The following PIP5K1C variants were observed in gnomAD, a reference collection of about 807,000 sequenced individuals.
PIP5K1C encodes phosphatidylinositol 4-phosphate 5-kinase type-1 gamma.
A neutral mutation model predicts 80.1 loss-of-function variants in PIP5K1C; 45 were observed. The ratio of observed to expected loss-of-function variants is 0.56; its 90% CI spans 0.44 to 0.72. The LOEUF (loss-of-function observed/expected upper bound fraction) is 0.72, where lower values mean the gene tolerates loss of function less well. Ranked by LOEUF, PIP5K1C falls within the 30% of genes least tolerant of loss-of-function variation. The probability of loss-of-function intolerance (pLI) is 0.00; values close to 1 mark genes in which losing one functional copy is unlikely to be tolerated. For synonymous variants in PIP5K1C, 498 were observed against 420.1 expected, an observed-to-expected ratio of 1.19 and a Z score of -2.27; for missense variants, 753 against 954.6, an observed-to-expected ratio of 0.79 and a Z score of 2.78.
Position 3,648,692 on chromosome 19 carries a change from C to T in PIP5K1C, c.1144G>A (p.Ala382Thr), listed in dbSNP as rs549345573. ...ESDDTMGGIP[A>T]VNGRGERLLL... is the part of the protein sequence containing the mutation. ...AGCCGCTCCCCGCGGCCGTTCACAG[C>T]GGGGATCCCGCCCATCCTGGGGAGA... is the stretch of plus-strand genomic sequence containing the variant. Residue 382 changes from alanine (A) to threonine (T), a missense_variant, in exon 9 of 18, where the codon GCT (alanine) becomes ACT (threonine). By Grantham distance (58) the Ala-to-Thr change is moderately conservative. Coordinates refer to ENST00000335312, the MANE Select transcript of PIP5K1C (RefSeq NM_012398.3). The surrounding 1 kb of genome is among the most constrained non-coding windows in gnomAD (Gnocchi z 4.3). 4.3e-6 allele frequency: 7 copies of T among 1,612,966 alleles called. No homozygotes were observed. The highest frequency in any genetic ancestry group is 5.1e-6 in the Non-Finnish European group (6 of 1,179,848).
At chr19:3,650,506 C>T (rs1317034729) in intron 8 of PIP5K1C, among the ~76,000 whole-genome samples, 4 of 152,238 alleles carry the variant, frequency 2.6e-5, no homozygotes, top group Admixed American at 6.5e-5. Flanking sequence ...GCTCCTGGCC[C>T]GGAGTGGGTG....
intron 1 of PIP5K1C, among the ~76,000 whole-genome samples, chr19:3,697,226 GGGGAGGACCGAGCTGGACCC>G (rs1221499668): frequency 2.7e-5 from 4 of 150,876 alleles, no homozygotes; most frequent in Non-Finnish European, 5.9e-5. Context: ...AAGCTGGACC[GGGGAGGACCGAGCTGGACCC>G]GGGAGGACCG....
chr19:3,669,251 G>T (rs530928090), intron 1 of PIP5K1C, among the ~76,000 whole-genome samples: 6 of 152,306 alleles, frequency 3.9e-5, no homozygotes, highest in African/African-American at 7.2e-5. Flanking sequence ...GGTGCGGCAG[G>T]TGCCCTGCTC....
intron 1 of PIP5K1C, among the ~76,000 whole-genome samples, chr19:3,670,377 G>A (rs1262504315): frequency 6.6e-6 from 1 of 152,014 alleles, no homozygotes; most frequent in East Asian, 1.9e-4. Flanking sequence ...AAGAGAAGCC[G>A]CTCAGGGAGG....
Position 3,700,340 on chromosome 19 carries a change from C to A in PIP5K1C, c.51G>T (p.Val17=). The A allele has an allele frequency of 1.5e-6, 2 of 1,295,492 alleles. No individual in the cohort carries two copies. The highest frequency in any genetic ancestry group is 2.0e-6 in the Non-Finnish European group (2 of 1,005,064). 80.2% of individuals were successfully genotyped at this position (1,295,492 alleles called of 1,614,324 possible). A position where few individuals can be genotyped will look rare whatever the true frequency, so the allele number is the denominator to read the frequency against. Reference sequence around the variant, plus strand: ...CTGCCGCCCACGCCGCCTCCGAGGGCACGGCCCCCGCCTCAGCGCTCTCCG... The same window carrying A: ...CTGCCGCCCACGCCGCCTCCGAGGGAACGGCCCCCGCCTCAGCGCTCTCCG... The part of the protein sequence containing the change: ...DEAESAEAGA[V]PSEAAWAAES... The change falls in exon 1 of 18, where the codon GTG becomes GTT. Residue 17 remains valine (V), a synonymous_variant. Coordinates refer to ENST00000335312, the MANE Select transcript of PIP5K1C (RefSeq NM_012398.3).
At chr19:3,653,066 G>C (rs954358127) in intron 7 of PIP5K1C, among the ~76,000 whole-genome samples, 1 of 152,242 alleles carries the variant, frequency 6.6e-6, no homozygotes, top group African/African-American at 2.4e-5. Flanking sequence ...GCCTCCCAAA[G>C]AGCTGGGATC....
chr19:3,646,342 C>G (rs905362614), intron 10 of PIP5K1C, among the ~76,000 whole-genome samples: 2 of 152,180 alleles, frequency 1.3e-5, no homozygotes, highest in African/African-American at 4.8e-5. Context: ...GTATTCCGGC[C>G]AGGCACAGTG....
At chr19:3,646,621 C>T (rs1280396533) in intron 10 of PIP5K1C, among the ~76,000 whole-genome samples, 1 of 152,216 alleles carries the variant, frequency 6.6e-6, no homozygotes, top group Non-Finnish European at 1.5e-5. Context: ...GCCGAGACAG[C>T]GCTCCTATCT....
intron 1 of PIP5K1C, among the ~76,000 whole-genome samples, chr19:3,675,598 G>C (rs994045165): frequency 1.3e-5 from 2 of 152,216 alleles, no homozygotes; most frequent in Non-Finnish European, 2.9e-5. Flanking sequence ...TATGGACCGG[G>C]ATGGACAGTC....
At chr19:3,682,591 C>T (rs972002805) in intron 1 of PIP5K1C, among the ~76,000 whole-genome samples, 10 of 151,756 alleles carry the variant, frequency 6.6e-5, no homozygotes, top group Non-Finnish European at 1.0e-4. Flanking sequence ...CGGGAGGCTG[C>T]GGTGGGAAGA....
intron 2 of PIP5K1C, among the ~76,000 whole-genome samples, chr19:3,666,411 T>G (rs577184579): frequency 1.3e-5 from 2 of 152,234 alleles, no homozygotes; most frequent in South Asian, 4.1e-4. Context: ...CAGAGAAAGC[T>G]CTCGGGAGGA....
intron 6 of PIP5K1C, among the ~76,000 whole-genome samples, chr19:3,654,255 T>C (rs1008077267): frequency 2.6e-5 from 4 of 152,246 alleles, no homozygotes; most frequent in Admixed American, 2.6e-4. Context: ...TGGGTCCTGC[T>C]GTACCCTGTA....
At position 3,651,812 on chromosome 19, in the gene PIP5K1C, C is replaced by T; in HGVS notation, c.1127+14G>A. The T allele has an allele frequency of 6.2e-7, 1 of 1,608,254 alleles. No individual in the cohort carries two copies. Among genetic ancestry groups the T allele is most frequent in the Non-Finnish European group, 8.5e-7 (1 of 1,177,530 alleles). ...GGGAAGCGGGACGGGTCCGGCGGCC[C>T]CCCGCCCACCTACGTGTCATCCGAT... On this transcript the variant is annotated intron_variant, in intron 8 of 17. Coordinates refer to ENST00000335312, the MANE Select transcript of PIP5K1C (RefSeq NM_012398.3).
chr19:3,677,272 A>G (rs895068182), intron 1 of PIP5K1C, among the ~76,000 whole-genome samples: 4 of 151,854 alleles, frequency 2.6e-5, no homozygotes, highest in Admixed American at 2.0e-4. Context: ...AGGAATGAAG[A>G]CTGAAAAGAA....
chr19:3,662,281 G>A (rs2034859298), intron 3 of PIP5K1C, among the ~76,000 whole-genome samples: 1 of 152,244 alleles, frequency 6.6e-6, no homozygotes, highest in Non-Finnish European at 1.5e-5. Context: ...CTGTTGGCTA[G>A]CTAGGTTCTA....
rs941339283 is a variant in PIP5K1C at position 3,688,511 on chromosome 19, G to A, written c.94+11786C>T. Among the ~76,000 whole-genome samples the A allele has an allele frequency of 6.6e-6, 1 of 152,098 alleles. No homozygotes were observed. The highest frequency in any genetic ancestry group is 2.4e-5 in the African/African-American group (1 of 41,430). On this transcript the variant is annotated intron_variant, in intron 1 of 17. Transcript: ENST00000335312. This position sits in a 1 kb window ranked among gnomAD's most constrained non-coding sequence, Gnocchi z 5.3. Reference sequence around the variant, plus strand: ...AGGCAGCTCCGGTGAGGCCACCCTCGCCCCCTGGTTTCAACTCCTGCTGTG... The same window carrying A: ...AGGCAGCTCCGGTGAGGCCACCCTCACCCCCTGGTTTCAACTCCTGCTGTG...
intron 1 of PIP5K1C, among the ~76,000 whole-genome samples, chr19:3,695,941 G>A (rs561359762): frequency 6.6e-6 from 1 of 152,118 alleles, no homozygotes; most frequent in South Asian, 2.1e-4. Flanking sequence ...TGTTGCTCCA[G>A]GCTGGTCTCA....
At chr19:3,669,429 G>A (rs990808056) in intron 1 of PIP5K1C, among the ~76,000 whole-genome samples, 1 of 152,224 alleles carries the variant, frequency 6.6e-6, no homozygotes. Flanking sequence ...GAGGAGGTGG[G>A]TGCGGAGTCC....
chr19:3,665,653 C>A (rs1014568098), intron 2 of PIP5K1C, among the ~76,000 whole-genome samples: 2 of 152,136 alleles, frequency 1.3e-5, no homozygotes, highest in African/African-American at 4.8e-5. Context: ...CACCTTGTCC[C>A]TGAGGGAGAT....
Sources: gnomAD v4.1 joint callset for allele counts (sites outside exome capture counted in the v4.1 genomes callset) on GRCh38, gnomAD v4.1.1 for gene constraint, Gnocchi (gnomAD v3.1) non-coding constraint, MANE v1.5 for transcripts, NCBI Gene and HGNC (gene_info 2026-07-23, HGNC 2026-07-21) for gene names.